Variants in NANOS3 observed in about 807,000 individuals in gnomAD.
NANOS3 encodes nanos C2HC-type zinc finger 3.
In NANOS3, 11 loss-of-function variants were observed where a neutral mutation model predicts 13.8. The observed-to-expected ratio is 0.80, with a 90% CI of 0.50 to 1.32. The LOEUF is 1.32. Ranked by LOEUF, NANOS3 falls within the 40% of genes most tolerant of loss-of-function variation. NANOS3 has a pLI of 0.00. For synonymous variants in NANOS3, 119 were observed against 115.4 expected (o/e 1.03, Z -0.20); for missense variants, 221 against 263.8 (o/e 0.84, Z 1.12).
rs370330656 is a variant in NANOS3, at chr19:13,871,956, G to A, written n.22-5712G>A. Among the ~76,000 whole-genome samples, 24 of 152,222 alleles carry A rather than the reference G, an allele frequency of 1.6e-4. No individual in the cohort carries two copies. The South Asian group carries it at 4.6e-3, about 29-fold the overall frequency. On this transcript the variant is annotated intron_variant and non_coding_transcript_variant, in intron 1 of 2. Coordinates refer to the NANOS3 transcript ENST00000591161. ...CGAGGCTGCAGTGAGCTGTGATTGC[G>A]CCACTGCACTCCAGCCTGGGCAACA...
At position 13,877,301 on chromosome 19, in the gene NANOS3, G is replaced by C; in HGVS notation, c.53G>C (p.Arg18Thr). The C allele has an allele frequency of 6.2e-7, 1 of 1,613,122 alleles. No homozygotes were observed. Among genetic ancestry groups the C allele is most frequent in the Non-Finnish European group, 8.5e-7 (1 of 1,179,976 alleles). ...TACCTGGGTTTGGCACACCTGGTTA[G>C]GGCTCTGAGTGGGAAAGAGGGTCCT... Reference protein sequence around the residue: ...TDYLGLAHLVRALSGKEGPET... With the variant: ...TDYLGLAHLVTALSGKEGPET... Residue 18 changes from arginine (R) to threonine (T), a missense_variant, in exon 1 of 2, where the codon AGG becomes ACG. Arg to Thr is a moderately conservative substitution (Grantham distance 71). Around this residue, in one of 3 missense-constraint regions of NANOS3, gnomAD observed 112 missense variants for 116.3 expected, o/e 0.96. Coordinates refer to ENST00000339133, the MANE Select transcript of NANOS3 (RefSeq NM_001098622.3).
At chr19:13,868,683 TA>T (rs34546663) in intron 1 of NANOS3, among the ~76,000 whole-genome samples, 117 of 142,004 alleles carry the variant, frequency 8.2e-4, no homozygotes, top group South Asian at 9.1e-4. Context: ...TAGTCTCTTT[TA>T]AAAAAAAAAA....
chr19:13,862,529 C>CT (rs907786894), upstream of NANOS3, among the ~76,000 whole-genome samples: 60 of 149,736 alleles, frequency 4.0e-4, no homozygotes, highest in South Asian at 6.3e-4. Flanking sequence ...CCAGCTCTGC[C>CT]TTTTTTTTTT....
chr19:13,880,260 G>A lies in NANOS3; in HGVS notation c.518-182G>A, dbSNP rs193028452. On this transcript the variant is annotated intron_variant, in intron 1 of 1. Coordinates refer to ENST00000339133, the MANE Select transcript of NANOS3 (RefSeq NM_001098622.3). The stretch of plus-strand genomic sequence containing the variant: ...AATCGGAACTCCTGTGCTTTGTCTC[G>A]GGCTCTGGGTCCCAGCGGGGCCGCC... Among the ~76,000 whole-genome samples the A allele has an allele frequency of 6.4e-3, 976 of 152,202 alleles. 7 individuals carry two copies. The highest frequency in any genetic ancestry group is 0.012 in the Admixed American group (179 of 15,292).
chr19:13,871,961 T>C (rs570786190), intron 1 of NANOS3, among the ~76,000 whole-genome samples: 13 of 152,268 alleles, frequency 8.5e-5, no homozygotes, highest in Admixed American at 4.6e-4. Context: ...ATTGCGCCAC[T>C]GCACTCCAGC....
At chr19:13,865,490 G>T (rs1386210601) in intron 1 of NANOS3, 1 of 144,002 alleles carries the variant, frequency 6.9e-6, no homozygotes, top group Non-Finnish European at 1.5e-5. Flanking sequence ...GGGGCCGCCC[G>T]CGGGCAGGGG....
intron 1 of NANOS3, among the ~76,000 whole-genome samples, chr19:13,866,834 T>C (rs1350143984): frequency 6.6e-6 from 1 of 151,480 alleles, no homozygotes; most frequent in Non-Finnish European, 1.5e-5. Context: ...CCAACCAAGT[T>C]CACACCTGCA....
upstream of NANOS3, among the ~76,000 whole-genome samples, chr19:13,874,174 G>A (rs1178606411): frequency 1.3e-5 from 2 of 152,148 alleles, no homozygotes; most frequent in Non-Finnish European, 2.9e-5. Context: ...GGAGAGACCT[G>A]ACGACCCCCC....
intron 1 of NANOS3, among the ~76,000 whole-genome samples, chr19:13,870,966 G>A (rs1976319120): frequency 6.6e-6 from 1 of 151,882 alleles, no homozygotes; most frequent in Non-Finnish European, 1.5e-5. Context: ...CTGCACTGGG[G>A]TCAGGTGAGG....
chr19:13,877,508 G>C lies in NANOS3; in HGVS notation c.260G>C (p.Arg87Pro), dbSNP rs367812554. 5.0e-6 allele frequency: 8 copies of C among 1,611,514 alleles called. No homozygotes were observed. In the African/African-American group the frequency reaches 8.0e-5, roughly 16 times the overall value. Residue 87 changes from arginine (R) to proline (P), a missense_variant, in exon 1 of 2, where the codon CGG becomes CCG. This residue lies in a region of NANOS3 where 112 missense variants were observed against 116.3 expected (regional missense o/e 0.96). Coordinates refer to ENST00000339133, the MANE Select transcript of NANOS3 (RefSeq NM_001098622.3). ...TTCTGCAAACACAACGGCGAGTCCC[G>C]GGCCATCTACCAGTCCCACGTGCTG... ...CSFCKHNGESRAIYQSHVLKD... is the reference protein window; with the variant it reads ...CSFCKHNGESPAIYQSHVLKD...
chr19:13,865,084 C>T (rs1226715173), upstream of NANOS3, among the ~76,000 whole-genome samples: 2 of 151,926 alleles, frequency 1.3e-5, no homozygotes, highest in Non-Finnish European at 2.9e-5. Flanking sequence ...TGGAGACCCA[C>T]GGGCATCCCC....
At chr19:13,870,666 C>T (rs1286445697) in intron 1 of NANOS3, among the ~76,000 whole-genome samples, 1 of 142,932 alleles carries the variant, frequency 7.0e-6, no homozygotes, top group Non-Finnish European at 1.5e-5. Context: ...CTCCCAGGTT[C>T]AAGCAATTCT....
intron 1 of NANOS3, among the ~76,000 whole-genome samples, chr19:13,879,789 C>A (rs1326093728): frequency 6.6e-6 from 1 of 151,626 alleles, no homozygotes; most frequent in African/African-American, 2.4e-5. Context: ...CTTGGGGAAG[C>A]TGAGGCAGGT....
At chr19:13,872,016 A>AACAAC (rs1976335291) in intron 1 of NANOS3, among the ~76,000 whole-genome samples, 1 of 151,348 alleles carries the variant, frequency 6.6e-6, no homozygotes, top group South Asian at 2.1e-4. Context: ...AACAAAACAA[A>AACAAC]ACAACAACAG....
chr19:13,864,192 T>C (rs1441352489), upstream of NANOS3, among the ~76,000 whole-genome samples: 3 of 151,534 alleles, frequency 2.0e-5, no homozygotes, highest in African/African-American at 4.9e-5. Context: ...TTGTGCATGC[T>C]CTTATACCTG....
intron 1 of NANOS3, among the ~76,000 whole-genome samples, chr19:13,869,842 T>C (rs1038177334): frequency 2.6e-5 from 4 of 151,398 alleles, no homozygotes; most frequent in African/African-American, 4.9e-5. Context: ...AGCATATATA[T>C]AGGTACTCAT....
In NANOS3 at chr19:13,880,577, C is replaced by A; in HGVS notation, c.*74C>A. ...AGGAAGACCCACCCTATGACGACTG[C>A]CCCCACTCCCAGACCCTCCCCCCAG... On this transcript the variant is annotated 3_prime_UTR_variant, in exon 2 of 2. Transcript: ENST00000339133. 7.8e-7 allele frequency: 1 copy of A among 1,279,708 alleles called. No individual in the cohort carries two copies. Among genetic ancestry groups the A allele is most frequent in the Non-Finnish European group, 1.1e-6 (1 of 880,776 alleles). The allele number at this position is 1,279,708 out of a possible 1,614,324, so 79.3% of individuals were successfully genotyped here.
chr19:13,878,922 G>A lies in NANOS3; in HGVS notation c.517+1157G>A, dbSNP rs566436870. 8.6e-5 allele frequency among the ~76,000 whole-genome samples: 13 copies of A among 151,278 alleles called. No individual in the cohort carries two copies. The South Asian group carries it at 2.7e-3, about 32-fold the overall frequency. On this transcript the variant is annotated intron_variant, in intron 1 of 1. Coordinates refer to ENST00000339133, the MANE Select transcript of NANOS3 (RefSeq NM_001098622.3). ...AGCCACCACGCCTGGCCCCAGTGAGGTTTTCTTTCTTTCTTTCTTTTATTT... is the reference window on the plus strand; with the variant it reads ...AGCCACCACGCCTGGCCCCAGTGAGATTTTCTTTCTTTCTTTCTTTTATTT...
chr19:13,877,971 C>T (rs1968553885), intron 1 of NANOS3, among the ~76,000 whole-genome samples: 1 of 148,276 alleles, frequency 6.7e-6, no homozygotes, highest in Non-Finnish European at 1.5e-5. Context: ...TGCAGTGGCG[C>T]CATCTCGGCT....
Sources: allele counts gnomAD v4.1 joint callset (sites outside exome capture counted in the v4.1 genomes callset), GRCh38; gene constraint gnomAD v4.1.1; regional missense constraint gnomAD v4.1.1; transcripts MANE v1.5; gene names NCBI Gene and HGNC (gene_info 2026-07-23, HGNC 2026-07-21).